The following PAMR1 variants were observed in gnomAD, a reference collection of about 807,000 sequenced individuals.
PAMR1 encodes the protein inactive serine protease PAMR1.
Under a neutral mutation model 81.8 loss-of-function variants are expected in PAMR1, and 88 were observed. That is an observed-to-expected ratio of 1.08 (90% CI 0.91 to 1.28). PAMR1 has a LOEUF of 1.28. Ranked by LOEUF, PAMR1 falls within the 50% of genes most tolerant of loss-of-function variation. The pLI, the probability that PAMR1 is intolerant of heterozygous loss-of-function variation, is 0.00. For missense variants in PAMR1, 935 were observed against 919.7 expected (o/e 1.02, Z -0.21); for synonymous variants, 336 against 345.3 (o/e 0.97, Z 0.30).
upstream of PAMR1, among the ~76,000 whole-genome samples, chr11:35,526,587 G>A (rs780605269): frequency 3.9e-5 from 6 of 152,180 alleles, no homozygotes; most frequent in African/African-American, 1.4e-4. Context: ...TACAATTAGA[G>A]AAACGGAACC....
chr11:35,479,510 G>A (rs1850344679), intron 3 of PAMR1, among the ~76,000 whole-genome samples: 1 of 152,190 alleles, frequency 6.6e-6, no homozygotes, highest in South Asian at 2.1e-4. Context: ...TTTTTCTCGA[G>A]TCTTGTCTGG....
Position 35,492,121 on chromosome 11 carries a change from A to AC in PAMR1, c.302dup (p.Thr102TyrfsTer4), listed in dbSNP as rs751755759. 31 of 1,613,632 alleles carry AC rather than the reference A, an allele frequency of 1.9e-5. No individual in the cohort carries two copies. In the East Asian group the frequency reaches 2.2e-4, roughly 12 times the overall value. Reference sequence around the variant, plus strand: ...CCTTCACATAGAAGTCATCCAAGGTACCCCCCCATGAGCCATTTCGGCAGC... The same window carrying AC: ...CCTTCACATAGAAGTCATCCAAGGTACCCCCCCCATGAGCCATTTCGGCAGC... On this transcript the variant is annotated frameshift_variant, in exon 3 of 11. Coordinates refer to ENST00000619888, the MANE Select transcript of PAMR1 (RefSeq NM_001001991.3). LOFTEE classifies it high-confidence loss of function.
intron 1 of PAMR1, among the ~76,000 whole-genome samples, chr11:35,522,196 A>G (rs2135428353): frequency 6.6e-6 from 1 of 152,314 alleles, no homozygotes; most frequent in African/African-American, 2.4e-5. Flanking sequence ...TGCTGGGATT[A>G]TAGGCATGAG....
chr11:35,460,683 C>A (rs1856634319), intron 6 of PAMR1, among the ~76,000 whole-genome samples: 1 of 152,276 alleles, frequency 6.6e-6, no homozygotes, highest in East Asian at 1.9e-4. Context: ...CATAGTATTC[C>A]ATGGTGCATA....
intron 1 of PAMR1, among the ~76,000 whole-genome samples, chr11:35,506,875 CTTT>C (rs60325085): frequency 0.46 from 66,005 of 143,134 alleles, 14,937 homozygotes; most frequent in East Asian, 0.69. Context: ...TTTTTTAGTT[CTTT>C]TTTTTTTTTT....
rs144948492 is a variant in PAMR1 at position 35,432,864 on chromosome 11, T to C, written c.1655A>G (p.Tyr552Cys). 18 of 1,589,936 alleles carry C rather than the reference T, an allele frequency of 1.1e-5. No homozygotes were observed. The East Asian group carries it at 2.9e-4, about 26-fold the overall frequency. ...QISAIILHPN[Y>C]DPILLDADIA... is the part of the protein sequence containing the mutation. The stretch of plus-strand genomic sequence containing the variant: ...GTCAGCATCAAGCAGGATGGGGTCA[T>C]AGTTGGGATGCAGAATGATAGCAGA... The change falls in exon 11 of 11, where the codon TAT becomes TGT. Residue 552 changes from tyrosine to cysteine, a missense_variant. Physicochemically the swap from Tyr to Cys is radical, Grantham distance 194. Transcript: ENST00000619888.
intron 3 of PAMR1, among the ~76,000 whole-genome samples, chr11:35,477,373 T>C (rs1321972136): frequency 6.6e-6 from 1 of 152,234 alleles, no homozygotes; most frequent in African/African-American, 2.4e-5. Context: ...CCCCATTTTC[T>C]AGATGTGGAA....
chr11:35,489,873 T>C (rs1850584705), intron 3 of PAMR1, among the ~76,000 whole-genome samples: 1 of 152,242 alleles, frequency 6.6e-6, no homozygotes, highest in Admixed American at 6.5e-5. Context: ...TTCACCACTC[T>C]TCCTTGGTTC....
chr11:35,495,407 T>C (rs1351337620), intron 1 of PAMR1, among the ~76,000 whole-genome samples: 2 of 152,002 alleles, frequency 1.3e-5, no homozygotes, highest in Non-Finnish European at 2.9e-5. Context: ...ATATATACCT[T>C]CAGTAAAGAG....
intron 1 of PAMR1, among the ~76,000 whole-genome samples, chr11:35,500,287 A>T (rs1017053989): frequency 2.0e-5 from 3 of 152,226 alleles, no homozygotes; most frequent in African/African-American, 7.2e-5. Context: ...CAAGTCTTTG[A>T]ATCACTCTGT....
chr11:35,474,824 G>C, intron 3 of PAMR1, 80 bp from the exon 4 acceptor site: 4 of 861,906 alleles, frequency 4.6e-6, no homozygotes, highest in South Asian at 1.5e-5. Context: ...ACGAGACTTT[G>C]AGCACATGCC....
chr11:35,526,452 G>A (rs956847314), upstream of PAMR1, among the ~76,000 whole-genome samples: 3 of 151,250 alleles, frequency 2.0e-5, no homozygotes, highest in African/African-American at 7.3e-5. Context: ...GTGACATCTC[G>A]AAATGAGGAA....
chr11:35,462,065 G>A (rs184983285), intron 6 of PAMR1, among the ~76,000 whole-genome samples: 39 of 147,170 alleles, frequency 2.6e-4, no homozygotes, highest in Non-Finnish European at 5.0e-4. Flanking sequence ...CTCCCTGTCC[G>A]TTTAACAAAA....
intron 3 of PAMR1, among the ~76,000 whole-genome samples, chr11:35,480,636 G>A (rs1590359023): frequency 6.6e-6 from 1 of 152,012 alleles, no homozygotes; most frequent in Non-Finnish European, 1.5e-5. Context: ...CAGTGCTAGG[G>A]TTTCCATTGT....
chr11:35,500,360 T>C (rs533717393), intron 1 of PAMR1, among the ~76,000 whole-genome samples: 2 of 152,198 alleles, frequency 1.3e-5, no homozygotes, highest in Non-Finnish European at 2.9e-5. Context: ...CTCATTCTTT[T>C]GTTTTTCAAG....
At chr11:35,499,380 T>G (rs986747176) in intron 1 of PAMR1, among the ~76,000 whole-genome samples, 1 of 152,158 alleles carries the variant, frequency 6.6e-6, no homozygotes, top group African/African-American at 2.4e-5. Flanking sequence ...CCTCCCTCTA[T>G]TCACCCTGCG....
chr11:35,440,596 G>T (rs1856144322), intron 7 of PAMR1, among the ~76,000 whole-genome samples: 1 of 152,160 alleles, frequency 6.6e-6, no homozygotes, highest in Non-Finnish European at 1.5e-5. Context: ...CCAGATCATT[G>T]TGGCCTGCCC....
chr11:35,502,305 G>A (rs1490415616), intron 1 of PAMR1, among the ~76,000 whole-genome samples: 1 of 152,058 alleles, frequency 6.6e-6, no homozygotes, highest in African/African-American at 2.4e-5. Context: ...GTGCCGGTTT[G>A]TTACATAGGT....
At chr11:35,510,333 T>A (rs919839612) in intron 1 of PAMR1, among the ~76,000 whole-genome samples, 1 of 152,214 alleles carries the variant, frequency 6.6e-6, no homozygotes, top group African/African-American at 2.4e-5. Flanking sequence ...GGTTCACTCT[T>A]GGTCTTATAC....
Sources: allele counts gnomAD v4.1 joint callset (sites outside exome capture counted in the v4.1 genomes callset), GRCh38; gene constraint gnomAD v4.1.1; transcripts MANE v1.5; gene names NCBI Gene and HGNC (gene_info 2026-07-23, HGNC 2026-07-21).